Variants in TRIM58 observed in about 807,000 individuals in gnomAD.
TRIM58 encodes the protein tripartite motif containing 58.
Under a neutral mutation model 34.1 loss-of-function variants are expected in TRIM58, and 38 were observed. The observed-to-expected ratio is 1.12, with a 90% CI of 0.86 to 1.46. The LOEUF (loss-of-function observed/expected upper bound fraction) is 1.46. Ranked by LOEUF, TRIM58 falls within the 40% of genes most tolerant of loss-of-function variation. The pLI is 0.00. For missense variants in TRIM58, 677 were observed against 642.0 expected, an observed-to-expected ratio of 1.05 and a Z score of -0.59; for synonymous variants, 273 against 275.7, an observed-to-expected ratio of 0.99 and a Z score of 0.10.
At chr1:247,869,804 A>AG (rs1659056641) in intron 5 of TRIM58, among the ~76,000 whole-genome samples, 1 of 152,228 alleles carries the variant, frequency 6.6e-6, no homozygotes, top group South Asian at 2.1e-4. Context: ...AAAGACAAAT[A>AG]GGAACAAAGG....
intron 2 of TRIM58, 133 bp downstream of exon 2, chr1:247,860,845 C>A: frequency 1.5e-6 from 1 of 658,636 alleles, no homozygotes; most frequent in Non-Finnish European, 2.7e-6. Context: ...CACCTCAGAG[C>A]CATCCTGGGT....
intron 2 of TRIM58, among the ~76,000 whole-genome samples, chr1:247,861,524 A>G (rs1041135560): frequency 1.3e-5 from 2 of 152,216 alleles, no homozygotes; most frequent in Non-Finnish European, 2.9e-5. Context: ...GAAACTACGT[A>G]TAGAAACTGT....
chr1:247,868,730 A>G (rs916156535), intron 5 of TRIM58, among the ~76,000 whole-genome samples: 1 of 152,196 alleles, frequency 6.6e-6, no homozygotes, highest in South Asian at 2.1e-4. Flanking sequence ...ACTTAGGGAC[A>G]CATATTTACT....
chr1:247,858,104 T>C (rs968663973), intron 1 of TRIM58, among the ~76,000 whole-genome samples: 4 of 152,206 alleles, frequency 2.6e-5, no homozygotes, highest in Non-Finnish European at 5.9e-5. Flanking sequence ...TAAATGAGTG[T>C]TGTCAGCAAA....
At chr1:247,864,002 C>T (rs1008198043) in intron 2 of TRIM58, among the ~76,000 whole-genome samples, 9 of 152,138 alleles carry the variant, frequency 5.9e-5, no homozygotes, top group African/African-American at 2.2e-4. Context: ...TTCAAACAAA[C>T]ATTTCTTCAT....
In TRIM58 at chr1:247,857,480, G is replaced by A. The variant is rs1663661387; in HGVS notation, c.234G>A (p.Leu78=). 4 of 1,333,808 alleles carry A rather than the reference G, an allele frequency of 3.0e-6. No homozygotes were observed. The highest frequency in any genetic ancestry group is 2.9e-6 in the Non-Finnish European group (3 of 1,041,774). 82.6% of individuals were successfully genotyped at this position (1,333,808 alleles called of 1,614,324 possible). The change falls in exon 1 of 6, where the codon CTG becomes CTA. Residue 78 remains leucine (L), a synonymous_variant. Coordinates refer to ENST00000366481, the MANE Select transcript of TRIM58 (RefSeq NM_015431.4). ...GFRPNRQLAG[L]VESVRRLGLG... ...GCCCCAACCGGCAGCTGGCGGGCCT[G>A]GTGGAGAGCGTGCGGCGGCTGGGGT...
At chr1:247,867,574 G>A (rs573587477) in intron 3 of TRIM58, among the ~76,000 whole-genome samples, 3 of 152,080 alleles carry the variant, frequency 2.0e-5, no homozygotes, top group East Asian at 1.9e-4. Flanking sequence ...GCGTGGTGGC[G>A]GGAGCCTGTA....
At position 247,876,678 on chromosome 1, in the gene TRIM58, A is replaced by C. The variant is rs369305291; in HGVS notation, c.*189A>C. 8 of 571,610 alleles carry C rather than the reference A, an allele frequency of 1.4e-5. No homozygotes were observed. The highest frequency in any genetic ancestry group is 9.3e-5 in the African/African-American group (5 of 53,650). 35.4% of individuals were successfully genotyped at this position (571,610 alleles called of 1,614,324 possible). On this transcript the variant is annotated 3_prime_UTR_variant, in exon 6 of 6. Coordinates refer to ENST00000366481, the MANE Select transcript of TRIM58 (RefSeq NM_015431.4). The stretch of plus-strand genomic sequence containing the variant: ...GCATATGGGAAGATTATAGAGCATA[A>C]TAATTTTGTAAATGGAGCAATCTCA...
chr1:247,875,820 G>A, intron 5 of TRIM58, 80 bp from the exon 6 acceptor site: 1 of 1,222,250 alleles, frequency 8.2e-7, no homozygotes, highest in Non-Finnish European at 1.1e-6. Context: ...GGAACTGTGG[G>A]ACTATTCTTT....
At position 247,876,134 on chromosome 1, in the gene TRIM58, G is replaced by A; in HGVS notation, c.1106G>A (p.Arg369Lys). The change falls in exon 6 of 6, where the codon AGA (arginine) becomes AAA (lysine). Residue 369 changes from arginine (R) to lysine (K), a missense_variant. By Grantham distance (26) the Arg-to-Lys change is conservative. Transcript: ENST00000366481. ...GGGGTCTGTCAAGACACACTGCCAA[G>A]AAAGGGGGAAACCACGCCATCTCCT... is the stretch of plus-strand genomic sequence containing the variant. ...GLGVCQDTLP[R>K]KGETTPSPEN... is the part of the protein sequence containing the mutation. The A allele has an allele frequency of 6.2e-7, 1 of 1,614,178 alleles. No individual in the cohort carries two copies. The highest frequency in any genetic ancestry group is 8.5e-7 in the Non-Finnish European group (1 of 1,180,020).
intron 5 of TRIM58, among the ~76,000 whole-genome samples, chr1:247,875,119 AC>A (rs1659249897): frequency 6.6e-6 from 1 of 152,000 alleles, no homozygotes; most frequent in Non-Finnish European, 1.5e-5. Flanking sequence ...ATTTTACAGG[AC>A]TTGTGGGATT....
At chr1:247,861,271 A>C (rs1180100946) in intron 2 of TRIM58, among the ~76,000 whole-genome samples, 1 of 150,920 alleles carries the variant, frequency 6.6e-6, no homozygotes, top group Non-Finnish European at 1.5e-5. Flanking sequence ...ACACACAGTG[A>C]TTCACATACA....
Position 247,876,185 on chromosome 1 carries a change from T to A in TRIM58, c.1157T>A (p.Leu386Gln). Residue 386 changes from leucine (L) to glutamine (Q), a missense_variant, in exon 6 of 6, where the codon CTG becomes CAG. Coordinates refer to ENST00000366481, the MANE Select transcript of TRIM58 (RefSeq NM_015431.4). ...SPENGVWALW[L>Q]LKGNEYMVLA... ...GAGAATGGGGTCTGGGCCCTGTGGC[T>A]GCTGAAAGGGAATGAGTACATGGTC... 6.2e-7 allele frequency: 1 copy of A among 1,614,194 alleles called. No individual in the cohort carries two copies. The highest frequency in any genetic ancestry group is 1.1e-5 in the South Asian group (1 of 91,082).
At chr1:247,872,289 CTT>C (rs1234026964) in intron 5 of TRIM58, among the ~76,000 whole-genome samples, 4 of 152,144 alleles carry the variant, frequency 2.6e-5, no homozygotes, top group Non-Finnish European at 5.9e-5. Flanking sequence ...AGTTAAGGGT[CTT>C]TGCAGTAATT....
chr1:247,857,852 C>T (rs753476915), intron 1 of TRIM58, among the ~76,000 whole-genome samples, 186 bp downstream of exon 1: 1 of 152,078 alleles, frequency 6.6e-6, no homozygotes, highest in South Asian at 2.1e-4. Flanking sequence ...GCTGTGGTAA[C>T]CCCCTTTGCG....
chr1:247,869,038 T>G (rs1572575494), intron 5 of TRIM58, among the ~76,000 whole-genome samples: 1 of 152,324 alleles, frequency 6.6e-6, no homozygotes, highest in Admixed American at 6.5e-5. Context: ...TAGCTGGGAT[T>G]ACAGGCACAT....
chr1:247,862,864 T>G (rs1358316988), intron 2 of TRIM58, among the ~76,000 whole-genome samples: 1 of 152,158 alleles, frequency 6.6e-6, no homozygotes, highest in African/African-American at 2.4e-5. Flanking sequence ...ATAGTTGTGC[T>G]CAAGAGGGTG....
intron 5 of TRIM58, among the ~76,000 whole-genome samples, chr1:247,873,867 G>C (rs1659204868): frequency 6.6e-6 from 1 of 152,184 alleles, no homozygotes; most frequent in South Asian, 2.1e-4. Flanking sequence ...TCAGAGGGCT[G>C]AGGTCAGGGG....
In TRIM58 at chr1:247,878,984, G is replaced by A. The variant is rs578223475; in HGVS notation, c.*2495G>A. 2.0e-5 allele frequency among the ~76,000 whole-genome samples: 3 copies of A among 152,034 alleles called. No individual in the cohort carries two copies. The highest frequency in any genetic ancestry group is 4.2e-4 in the South Asian group (2 of 4,812). ...ACTATTTCCTCTGGAACTTTGTTTC[G>A]TTACCAGCAAAATCCTCGACATCCA... On this transcript the variant is annotated 3_prime_UTR_variant, in exon 6 of 6. Transcript: ENST00000366481.
Sources: gnomAD v4.1 joint callset for allele counts (sites outside exome capture counted in the v4.1 genomes callset) on GRCh38, gnomAD v4.1.1 for gene constraint, MANE v1.5 for transcripts, NCBI Gene and HGNC (gene_info 2026-07-23, HGNC 2026-07-21) for gene names.